The following CAPN11 variants were observed in gnomAD, a reference collection of about 807,000 sequenced individuals.
CAPN11 encodes the protein calpain 11.
A neutral mutation model predicts 105.3 loss-of-function variants in CAPN11; 108 were observed. The observed-to-expected ratio is 1.03, with a 90% confidence interval of 0.88 to 1.20. CAPN11 has a LOEUF of 1.20. CAPN11 is among the 50% of genes most tolerant of loss of function. The pLI is 0.00. For synonymous variants in CAPN11, 329 were observed against 344.5 expected (o/e 0.96, Z 0.50); for missense variants, 883 against 924.8 (o/e 0.95, Z 0.59).
chr6:44,166,365 C>A (rs1327658902), intron 1 of CAPN11, among the ~76,000 whole-genome samples: 1 of 152,172 alleles, frequency 6.6e-6, no homozygotes, highest in Non-Finnish European at 1.5e-5. Context: ...ACTCTGTGAC[C>A]TCGGGCAAGC....
chr6:44,177,149 G>A, intron 11 of CAPN11, 93 bp from the exon 12 acceptor site: 1 of 1,470,316 alleles, frequency 6.8e-7, no homozygotes, highest in Non-Finnish European at 9.2e-7. Context: ...GGAGGAGACA[G>A]CTCCAGTGTG....
intron 1 of CAPN11, among the ~76,000 whole-genome samples, chr6:44,163,658 A>C (rs941567380): frequency 1.3e-5 from 2 of 152,178 alleles, no homozygotes; most frequent in Admixed American, 1.3e-4. Flanking sequence ...GGTGTTTAGA[A>C]TAGTGCCAGA....
chr6:44,173,326 C>A lies in CAPN11; in HGVS notation c.771C>A (p.Asn257Lys), dbSNP rs1174288588. ...TCCAACTCCAGAGGCCCCCTCAGAACCTGCTCAGGCTCCTTAGGAAGGCCG... is the reference window on the plus strand; with the variant it reads ...TCCAACTCCAGAGGCCCCCTCAGAAACTGCTCAGGCTCCTTAGGAAGGCCG... The part of the protein sequence containing the change: ...QSFQLQRPPQ[N>K]LLRLLRKAVE... The change falls in exon 7 of 23, where the codon AAC (asparagine) becomes AAA (lysine). Residue 257 changes from asparagine (N) to lysine (K), a missense_variant. Physicochemically the swap from Asn to Lys is moderately conservative, Grantham distance 94. Coordinates refer to ENST00000398776, the MANE Select transcript of CAPN11 (RefSeq NM_007058.4). 6.8e-6 allele frequency: 11 copies of A among 1,613,790 alleles called. No individual in the cohort carries two copies. The highest frequency in any genetic ancestry group is 1.1e-5 in the South Asian group (1 of 91,084).
chr6:44,182,285 C>CCACA (rs70993439), intron 19 of CAPN11, among the ~76,000 whole-genome samples: 793 of 59,418 alleles, frequency 0.013, 126 homozygotes, highest in East Asian at 0.056. Context: ...CACAACCACA[C>CCACA]CACACACACA....
At chr6:44,162,806 C>T (rs1468566017) in intron 1 of CAPN11, among the ~76,000 whole-genome samples, 1 of 152,078 alleles carries the variant, frequency 6.6e-6, no homozygotes, top group Non-Finnish European at 1.5e-5. Flanking sequence ...GTTGGGGGTG[C>T]ATTCACTTTG....
intron 19 of CAPN11, among the ~76,000 whole-genome samples, 178 bp downstream of exon 19, chr6:44,181,498 AC>A (rs2128314544): frequency 6.9e-6 from 1 of 145,822 alleles, no homozygotes; most frequent in African/African-American, 2.5e-5. Flanking sequence ...CACCACACAC[AC>A]ACACACACAC....
At position 44,169,294 on chromosome 6, in the gene CAPN11, T is replaced by C; in HGVS notation, c.102T>C (p.Thr34=). The change falls in exon 3 of 23, where the codon ACT becomes ACC. Residue 34 remains threonine (T), a synonymous_variant. Transcript: ENST00000398776. ...PRGSCAEPTF[T]DTGMVAHINN... is the part of the protein sequence containing the mutation. ...TTTCTTAAGCAGAGCCCACTTTTAC[T>C]GATACGGGAATGGTGGCTCACATAA... The C allele has an allele frequency of 6.2e-7, 1 of 1,606,794 alleles. No homozygotes were observed. The highest frequency in any genetic ancestry group is 8.5e-7 in the Non-Finnish European group (1 of 1,177,430).
Position 44,183,952 on chromosome 6 carries a change from T to G in CAPN11, c.*20T>G. 1.9e-6 allele frequency: 3 copies of G among 1,552,772 alleles called. No homozygotes were observed. Among genetic ancestry groups the G allele is most frequent in the Non-Finnish European group, 2.6e-6 (3 of 1,147,700 alleles). On this transcript the variant is annotated 3_prime_UTR_variant, in exon 23 of 23. Transcript: ENST00000398776. ...GGATAGAGGCGCTGTAGGAGCCTGG[T>G]CATCTCTACCAGCAGCAGCAGCAGC...
intron 19 of CAPN11, 99 bp downstream of exon 19, chr6:44,181,419 C>CACACACACACACCCAACCACACCACACTA (rs1773131858): frequency 3.8e-6 from 1 of 262,280 alleles, no homozygotes; most frequent in Non-Finnish European, 5.9e-6. Context: ...GCCCTAACCA[C>CACACACACACACCCAACCACACCACACTA]ACACACACAC....
At chr6:44,164,004 A>AT (rs1258985245) in intron 1 of CAPN11, among the ~76,000 whole-genome samples, 2 of 151,736 alleles carry the variant, frequency 1.3e-5, no homozygotes, top group African/African-American at 4.8e-5. Flanking sequence ...TGCCCAGTTA[A>AT]TTTTTTTTAA....
Position 44,169,430 on chromosome 6 carries a change from T to C in CAPN11, c.238T>C (p.Phe80Leu). ...RAACLRKGEL[F>L]EDPLFPAEPS... ...AGCCTGTCTAAGAAAGGGGGAGCTC[T>C]TCGAGGACCCCTTATTCCCTGCTGA... The change falls in exon 3 of 23, where the codon TTC becomes CTC. Residue 80 changes from phenylalanine to leucine, a missense_variant. Phe to Leu is a conservative substitution (Grantham distance 22). Coordinates refer to ENST00000398776, the MANE Select transcript of CAPN11 (RefSeq NM_007058.4). The C allele has an allele frequency of 6.2e-7, 1 of 1,613,446 alleles. No individual in the cohort carries two copies. The highest frequency in any genetic ancestry group is 8.5e-7 in the Non-Finnish European group (1 of 1,179,666).
intron 19 of CAPN11, among the ~76,000 whole-genome samples, 170 bp downstream of exon 19, chr6:44,181,490 CCACACA>C (rs373056696): frequency 1.7e-4 from 8 of 47,858 alleles, no homozygotes; most frequent in African/African-American, 2.9e-4. Context: ...CACAACCACA[CCACACA>C]CACACACACA....
At position 44,173,014 on chromosome 6, in the gene CAPN11, T is replaced by C; in HGVS notation, c.603T>C (p.Phe201=). 1 of 1,613,232 alleles carries C rather than the reference T, an allele frequency of 6.2e-7. No homozygotes were observed. The highest frequency in any genetic ancestry group is 8.5e-7 in the Non-Finnish European group (1 of 1,179,588). Residue 201 remains phenylalanine, a synonymous_variant, in exon 6 of 23, where the codon TTT becomes TTC. Transcript: ENST00000398776. ...CCACAAAGAATGACAAGCTGGTGTT[T>C]GTGCACTCAACCGAACGCAGTGAGT... ...RLPTKNDKLV[F]VHSTERSEFW...
chr6:44,161,053 G>T lies in CAPN11; in HGVS notation c.16+2189G>T, dbSNP rs908117551. On this transcript the variant is annotated intron_variant, in intron 1 of 22. Transcript: ENST00000398776. ...TAGGGTTAAGGGGAGCTACTGTGTT[G>T]CTCTGGCCATCTGTCTGTGCTTCCC... Among the ~76,000 whole-genome samples, 21 of 152,234 alleles carry T rather than the reference G, an allele frequency of 1.4e-4. 1 individual carries two copies. Among genetic ancestry groups the T allele is most frequent in the Middle Eastern group, 3.4e-3 (1 of 294 alleles).
At position 44,169,448 on chromosome 6, in the gene CAPN11, C is replaced by A. The variant is rs769269908; in HGVS notation, c.256C>A (p.Pro86Thr). Reference sequence around the variant, plus strand: ...GGAGCTCTTCGAGGACCCCTTATTCCCTGCTGAACCCAGCTCACTGGGCTT... The same window carrying A: ...GGAGCTCTTCGAGGACCCCTTATTCACTGCTGAACCCAGCTCACTGGGCTT... ...KGELFEDPLF[P>T]AEPSSLGFKD... Residue 86 changes from proline (P) to threonine (T), a missense_variant, in exon 3 of 23, where the codon CCT becomes ACT. Pro to Thr is a conservative substitution (Grantham distance 38). Coordinates refer to ENST00000398776, the MANE Select transcript of CAPN11 (RefSeq NM_007058.4). 1.2e-6 allele frequency: 2 copies of A among 1,612,456 alleles called. No individual in the cohort carries two copies. Among genetic ancestry groups the A allele is most frequent in the Non-Finnish European group, 1.7e-6 (2 of 1,179,328 alleles).
chr6:44,177,865 A>AT (rs955809174), intron 12 of CAPN11, among the ~76,000 whole-genome samples: 20 of 148,168 alleles, frequency 1.3e-4, no homozygotes, highest in African/African-American at 2.5e-4. Context: ...CACAGCCCTG[A>AT]TTTTTTTTTT....
intron 1 of CAPN11, among the ~76,000 whole-genome samples, chr6:44,160,346 A>G (rs1179454544): frequency 1.3e-5 from 2 of 152,140 alleles, no homozygotes; most frequent in Non-Finnish European, 2.9e-5. Context: ...GGCCGGGCGC[A>G]GTGGCTCACG....
intron 1 of CAPN11, among the ~76,000 whole-genome samples, chr6:44,162,789 G>A (rs576145275): frequency 8.5e-5 from 13 of 152,146 alleles, no homozygotes; most frequent in East Asian, 3.9e-4. Context: ...TCTTCTCCAC[G>A]CTCCATGTTG....
chr6:44,177,553 T>A, intron 12 of CAPN11, 133 bp downstream of exon 12: 3 of 805,920 alleles, frequency 3.7e-6, no homozygotes, highest in South Asian at 1.8e-5. Context: ...AGTGGCACAA[T>A]CTCCATTCAC....
Sources: allele counts gnomAD v4.1 joint callset (sites outside exome capture counted in the v4.1 genomes callset), GRCh38; gene constraint gnomAD v4.1.1; transcripts MANE v1.5; gene names NCBI Gene and HGNC (gene_info 2026-07-23, HGNC 2026-07-21).